The following OR51B5 variants were observed in gnomAD, a reference collection of about 807,000 sequenced individuals.
The protein encoded by OR51B5 is olfactory receptor family 51 subfamily B member 5.
For missense variants in OR51B5, 456 were observed against 374.6 expected (o/e 1.22, Z -1.79); for synonymous variants, 186 against 144.8 (o/e 1.28, Z -2.04).
Position 5,440,443 on chromosome 11 carries a change from T to G in OR51B5, n.84+65126A>C, listed in dbSNP as rs1850660427. The G allele has an allele frequency of 1.6e-5, 10 of 621,518 alleles. No homozygotes were observed. In the South Asian group the frequency reaches 2.1e-4, roughly 13 times the overall value. 38.5% of individuals were successfully genotyped at this position (621,518 alleles called of 1,614,324 possible). Reference sequence around the variant, plus strand: ...TATGCCATTTTATAGTCAAATATTATTTTATTAGTGATACATTCACTACTA... The same window carrying G: ...TATGCCATTTTATAGTCAAATATTAGTTTATTAGTGATACATTCACTACTA... On this transcript the variant is annotated intron_variant and non_coding_transcript_variant, in intron 1 of 4. Coordinates refer to the OR51B5 transcript ENST00000415970.
At chr11:5,354,513 CT>C (rs1849156102) in intron 1 of OR51B5, among the ~76,000 whole-genome samples, 1 of 152,184 alleles carries the variant, frequency 6.6e-6, no homozygotes, top group Non-Finnish European at 1.5e-5. Flanking sequence ...TTGCAGTTCT[CT>C]TTGTGGAGTC....
At chr11:5,472,611 C>T (rs756154334) in intron 1 of OR51B5, among the ~76,000 whole-genome samples, 1 of 152,206 alleles carries the variant, frequency 6.6e-6, no homozygotes, top group Non-Finnish European at 1.5e-5. Context: ...GAGTGAAGGA[C>T]TCCTCTGTGC....
chr11:5,461,215 G>A (rs1454845757), intron 1 of OR51B5, among the ~76,000 whole-genome samples: 2 of 152,210 alleles, frequency 1.3e-5, no homozygotes, highest in East Asian at 3.9e-4. Context: ...CACTGCTCGG[G>A]CGATGGTGGG....
chr11:5,380,293 G>C (rs988941492), intron 1 of OR51B5, among the ~76,000 whole-genome samples: 4 of 152,282 alleles, frequency 2.6e-5, no homozygotes, highest in East Asian at 3.9e-4. Context: ...AGGGAGGCAG[G>C]GGGATGGACA....
intron 1 of OR51B5, among the ~76,000 whole-genome samples, chr11:5,470,262 A>G (rs1465085847): frequency 6.6e-6 from 1 of 152,034 alleles, no homozygotes; most frequent in Non-Finnish European, 1.5e-5. Flanking sequence ...AATTTAGGTC[A>G]CTCCTATCAG....
chr11:5,412,870 G>C (rs1307511496), intron 1 of OR51B5, among the ~76,000 whole-genome samples: 1 of 151,908 alleles, frequency 6.6e-6, no homozygotes, highest in East Asian at 1.9e-4. Flanking sequence ...GCAGGGCACA[G>C]ACAAACAAGA....
intron 1 of OR51B5, among the ~76,000 whole-genome samples, chr11:5,386,976 T>C (rs1849704305): frequency 1.3e-5 from 2 of 152,102 alleles, no homozygotes; most frequent in Admixed American, 6.6e-5. Flanking sequence ...TCAGTATCCT[T>C]TTGGAAACAC....
At chr11:5,389,407 C>G in intron 1 of OR51B5, 1 of 1,612,164 alleles carries the variant, frequency 6.2e-7, no homozygotes. Flanking sequence ...GAATGTCAGT[C>G]CAATATTCGC....
intron 1 of OR51B5, among the ~76,000 whole-genome samples, chr11:5,442,105 A>C (rs1291521644): frequency 6.6e-6 from 1 of 152,084 alleles, no homozygotes; most frequent in Non-Finnish European, 1.5e-5. Flanking sequence ...CCTCTGGTCT[A>C]TGAACTCTTC....
chr11:5,344,758 T>A (rs906866655), upstream of OR51B5, among the ~76,000 whole-genome samples: 2 of 152,182 alleles, frequency 1.3e-5, no homozygotes, highest in Non-Finnish European at 2.9e-5. Context: ...TAAATGGTAA[T>A]AAGACAAAGT....
intron 1 of OR51B5, among the ~76,000 whole-genome samples, chr11:5,360,325 G>A (rs926954071): frequency 2.5e-4 from 38 of 152,168 alleles, no homozygotes; most frequent in African/African-American, 8.9e-4. Context: ...CAAAAAGTGG[G>A]CAAAGGATAT....
Position 5,366,331 on chromosome 11 carries a change from C to T in OR51B5, n.85-19421G>A, listed in dbSNP as rs114145285. Among the ~76,000 whole-genome samples the T allele has an allele frequency of 3.9e-3, 596 of 152,180 alleles. 3 individuals are homozygous for T. The highest frequency in any genetic ancestry group is 0.01 in the African/African-American group (426 of 41,520). The stretch of plus-strand genomic sequence containing the variant: ...GGGTAGCCTGTTAAAGAAAAGGCTA[C>T]ATTACAGACTCATGCCTGTAATCCC... On this transcript the variant is annotated intron_variant and non_coding_transcript_variant, in intron 1 of 4. Transcript: ENST00000415970.
At chr11:5,440,699 A>T in intron 1 of OR51B5, 1 of 1,613,900 alleles carries the variant, frequency 6.2e-7, no homozygotes, top group East Asian at 2.2e-5. Context: ...CATGAACAAC[A>T]GGTGGAGCAC....
intron 1 of OR51B5, among the ~76,000 whole-genome samples, chr11:5,446,224 G>A (rs1305387036): frequency 6.6e-6 from 1 of 151,710 alleles, no homozygotes; most frequent in Non-Finnish European, 1.5e-5. Flanking sequence ...TGCACTTTGT[G>A]CACATGTACC....
At chr11:5,445,159 A>G (rs1487888663) in intron 1 of OR51B5, among the ~76,000 whole-genome samples, 1 of 152,148 alleles carries the variant, frequency 6.6e-6, no homozygotes, top group African/African-American at 2.4e-5. Flanking sequence ...TATATAGACC[A>G]ATTTAAATTA....
chr11:5,460,447 G>A (rs558935539), intron 1 of OR51B5, among the ~76,000 whole-genome samples: 1 of 145,332 alleles, frequency 6.9e-6, no homozygotes, highest in Admixed American at 7.0e-5. Context: ...AGTTCAGTTT[G>A]GTTTGTTCTT....
chr11:5,440,493 C>A, intron 1 of OR51B5: 6 of 977,414 alleles, frequency 6.1e-6, no homozygotes, highest in Non-Finnish European at 9.3e-6. Flanking sequence ...CCTCTTCATC[C>A]TTACTTTAGC....
chr11:5,501,767 C>A (rs1359555558), intron 1 of OR51B5, among the ~76,000 whole-genome samples: 1 of 148,334 alleles, frequency 6.7e-6, no homozygotes, highest in Non-Finnish European at 1.5e-5. Context: ...TTATTAATTT[C>A]TCCCTGTTTA....
At chr11:5,447,596 A>AT (rs140346111) in intron 1 of OR51B5, among the ~76,000 whole-genome samples, 13,976 of 152,112 alleles carry the variant, frequency 0.092, 925 homozygotes, top group African/African-American at 0.18. Context: ...TCTCAATCCC[A>AT]TATCTTCTAT....
Sources: gnomAD v4.1 joint callset for allele counts (sites outside exome capture counted in the v4.1 genomes callset) on GRCh38, gnomAD v4.1.1 for gene constraint, MANE v1.5 for transcripts, NCBI Gene and HGNC (gene_info 2026-07-23, HGNC 2026-07-21) for gene names.